Variants in EDEM1 observed in about 807,000 individuals in gnomAD.
The protein encoded by EDEM1 is ER degradation enhancing alpha-mannosidase like protein 1.
A neutral mutation model predicts 74.4 loss-of-function variants in EDEM1; 67 were observed. That is an observed-to-expected ratio of 0.90 (90% CI 0.74 to 1.10). The LOEUF (loss-of-function observed/expected upper bound fraction) is 1.10, where lower values mean the gene tolerates loss of function less well. Ranked by LOEUF, EDEM1 falls within the 50% of genes least tolerant of loss-of-function variation. The pLI, the probability that EDEM1 is intolerant of heterozygous loss-of-function variation, is 0.00. For synonymous variants in EDEM1, 382 were observed against 335.9 expected (o/e 1.14, Z -1.50); for missense variants, 926 against 851.6 (o/e 1.09, Z -1.09).
intron 5 of EDEM1, among the ~76,000 whole-genome samples, chr3:5,203,889 G>A (rs1177935591): frequency 6.6e-6 from 1 of 152,060 alleles, no homozygotes; most frequent in East Asian, 1.9e-4. Context: ...GTGCCACCAT[G>A]TCCAGCTAAT....
At chr3:5,198,205 G>C (rs531848848) in intron 2 of EDEM1, among the ~76,000 whole-genome samples, 1 of 152,026 alleles carries the variant, frequency 6.6e-6, no homozygotes, top group Non-Finnish European at 1.5e-5. Context: ...GCGCCACCAC[G>C]CCTGGCTAAT....
chr3:5,215,001 A>G (rs146311199), intron 11 of EDEM1, among the ~76,000 whole-genome samples: 17 of 152,280 alleles, frequency 1.1e-4, no homozygotes, highest in Non-Finnish European at 1.9e-4. Context: ...AGATCCTTGA[A>G]GGATGAAAAG....
intron 2 of EDEM1, among the ~76,000 whole-genome samples, chr3:5,197,794 A>G (rs747093219): frequency 1.1e-4 from 16 of 152,234 alleles, no homozygotes; most frequent in Non-Finnish European, 1.6e-4. Flanking sequence ...ATCATCTTCT[A>G]AAAAGAAAGA....
Position 5,195,243 on chromosome 3 carries a change from TA to T in EDEM1, c.545del (p.Tyr182SerfsTer3). The T allele has an allele frequency of 6.4e-7, 1 of 1,567,222 alleles. No individual in the cohort carries two copies. The highest frequency in any genetic ancestry group is 8.6e-7 in the Non-Finnish European group (1 of 1,156,464). ...NLNINDVLGN[Y>X]SLTLVDALDT... ...GAACATCAATGATGTACTAGGGAACTACTCATTGACTCTTGTTGATGCATTG... is the reference window on the plus strand; with the variant it reads ...GAACATCAATGATGTACTAGGGAACTCTCATTGACTCTTGTTGATGCATTG... On this transcript the variant is annotated frameshift_variant, in exon 2 of 12. Coordinates refer to ENST00000256497, the MANE Select transcript of EDEM1 (RefSeq NM_014674.3). LOFTEE classifies it high-confidence loss of function.
chr3:5,190,474 C>G (rs2054888232), intron 1 of EDEM1, among the ~76,000 whole-genome samples: 1 of 152,188 alleles, frequency 6.6e-6, no homozygotes, highest in Admixed American at 6.5e-5. Flanking sequence ...CCTTAAGAAT[C>G]CCTTCCCAGC....
At position 5,201,920 on chromosome 3, in the gene EDEM1, C is replaced by G; in HGVS notation, c.854C>G (p.Pro285Arg). 6.2e-7 allele frequency: 1 copy of G among 1,613,458 alleles called. No individual in the cohort carries two copies. Among genetic ancestry groups the G allele is most frequent in the Non-Finnish European group, 8.5e-7 (1 of 1,179,778 alleles). Residue 285 changes from proline to arginine, a missense_variant, in exon 4 of 12, where the codon CCT (proline) becomes CGT (arginine). By Grantham distance (103) the Pro-to-Arg change is moderately radical (BLOSUM62 -2). Coordinates refer to ENST00000256497, the MANE Select transcript of EDEM1 (RefSeq NM_014674.3). ...FENTKTGIPY[P>R]RVNLKTGVPP... ...AACACCAAGACAGGGATTCCATATC[C>G]TCGGGTGGGTAGACTGGTTTGACCC... is the stretch of plus-strand genomic sequence containing the variant.
intron 9 of EDEM1, 97 bp downstream of exon 9, chr3:5,210,345 A>G: frequency 8.6e-7 from 1 of 1,160,376 alleles, no homozygotes; most frequent in Non-Finnish European, 1.3e-6. Context: ...TAATTTATAG[A>G]ACCAGGTCAT....
chr3:5,189,060 C>T (rs1172460590), intron 1 of EDEM1, among the ~76,000 whole-genome samples: 1 of 152,218 alleles, frequency 6.6e-6, no homozygotes, highest in Non-Finnish European at 1.5e-5. Flanking sequence ...GCAGTCTTCC[C>T]TGTTCACCAG....
At chr3:5,208,757 G>GTATATA (rs199683222) in intron 8 of EDEM1, among the ~76,000 whole-genome samples, 2 of 149,796 alleles carry the variant, frequency 1.3e-5, no homozygotes, top group African/African-American at 5.0e-5. Flanking sequence ...GTGTGTGTGT[G>GTATATA]TGTATATATA....
intron 4 of EDEM1, 109 bp from the exon 5 acceptor site, chr3:5,202,857 C>CA (rs1458325440): frequency 2.2e-6 from 2 of 915,692 alleles, no homozygotes; most frequent in African/African-American, 3.4e-5. Context: ...GGCAGACTCT[C>CA]ACCGTGGTAA....
At position 5,211,030 on chromosome 3, in the gene EDEM1, T is replaced by C; in HGVS notation, c.1584-90T>C. ...CATATGGTGTTGGATGACTGGTTGA[T>C]TATTCTGATAAGAGAATGTTTCTGC... On this transcript the variant is annotated intron_variant, in intron 9 of 11. Coordinates refer to ENST00000256497, the MANE Select transcript of EDEM1 (RefSeq NM_014674.3). 2.5e-6 allele frequency: 3 copies of C among 1,177,788 alleles called. No homozygotes were observed. In the South Asian group the frequency reaches 4.0e-5, roughly 16 times the overall value. The allele number at this position is 1,177,788 out of a possible 1,614,324, so 73.0% of individuals were successfully genotyped here.
chr3:5,210,071 C>T, intron 8 of EDEM1, 104 bp from the exon 9 acceptor site: 2 of 965,576 alleles, frequency 2.1e-6, no homozygotes, highest in East Asian at 2.4e-5. Flanking sequence ...CTTCCTTTGG[C>T]TGGCGACTCG....
At chr3:5,202,577 T>C (rs927729938) in intron 4 of EDEM1, among the ~76,000 whole-genome samples, 3 of 152,156 alleles carry the variant, frequency 2.0e-5, no homozygotes, top group African/African-American at 7.2e-5. Flanking sequence ...TTGAGGTTTG[T>C]TTAGGTGCTG....
chr3:5,190,277 C>T (rs943621252), intron 1 of EDEM1, among the ~76,000 whole-genome samples: 10 of 152,314 alleles, frequency 6.6e-5, no homozygotes, highest in Admixed American at 2.6e-4. Context: ...AGAGCACTTC[C>T]AATAAGTGCC....
At chr3:5,206,803 A>C (rs566363199) in intron 6 of EDEM1, among the ~76,000 whole-genome samples, 1 of 152,218 alleles carries the variant, frequency 6.6e-6, no homozygotes, top group African/African-American at 2.4e-5. Context: ...AAAAGAACCA[A>C]GCTTTTCTGC....
chr3:5,214,584 G>A (rs1410545551), intron 11 of EDEM1, among the ~76,000 whole-genome samples: 1 of 152,178 alleles, frequency 6.6e-6, no homozygotes, highest in East Asian at 1.9e-4. Flanking sequence ...ACCAGGGTTA[G>A]CCTTTGCACC....
intron 5 of EDEM1, 67 bp downstream of exon 5, chr3:5,203,216 G>A: frequency 6.9e-7 from 1 of 1,443,022 alleles, no homozygotes; most frequent in Non-Finnish European, 9.2e-7. Flanking sequence ...CATCTTCTCT[G>A]GGCTCTGCCC....
rs777426676 is a variant in EDEM1, at chr3:5,205,110, G to A, written c.1086G>A (p.Gln362=). The A allele has an allele frequency of 3.7e-6, 6 of 1,614,106 alleles. No individual in the cohort carries two copies. In the Admixed American group the frequency reaches 6.7e-5, roughly 18 times the overall value. Residue 362 remains glutamine (Q), a synonymous_variant, in exon 6 of 12, where the codon CAG becomes CAA. Transcript: ENST00000256497. ...NIQTGHWVGK[Q]SGLGAGLDSF... is the part of the protein sequence containing the mutation. Reference sequence around the variant, plus strand: ...AGACGGGCCACTGGGTTGGAAAGCAGAGTGGCCTGGGTGCCGGGCTGGACT... The same window carrying A: ...AGACGGGCCACTGGGTTGGAAAGCAAAGTGGCCTGGGTGCCGGGCTGGACT...
At chr3:5,211,023 T>C in intron 9 of EDEM1, 97 bp from the exon 10 acceptor site, 1 of 1,092,804 alleles carries the variant, frequency 9.2e-7, no homozygotes. Context: ...GTTGGATGAC[T>C]GGTTGATTAT....
Sources: gnomAD v4.1 joint callset for allele counts (sites outside exome capture counted in the v4.1 genomes callset) on GRCh38, gnomAD v4.1.1 for gene constraint, MANE v1.5 for transcripts, NCBI Gene and HGNC (gene_info 2026-07-23, HGNC 2026-07-21) for gene names.